ATP1A4: variants seen among roughly 807,000 people sequenced by gnomAD.
ATP1A4 encodes sodium/potassium-transporting ATPase subunit alpha-4.
A neutral mutation model predicts 114.3 loss-of-function variants in ATP1A4; 90 were observed. The observed-to-expected ratio is 0.79, with a 90% CI of 0.66 to 0.94. The LOEUF is 0.94. ATP1A4 is among the 40% of genes least tolerant of loss of function. The probability of loss-of-function intolerance (pLI) is 0.00; values close to 1 mark genes in which losing one functional copy is unlikely to be tolerated. For missense variants in ATP1A4, 1,222 were observed against 1,313.6 expected, an observed-to-expected ratio of 0.93 and a Z score of 1.08; for synonymous variants, 511 against 494.1, an observed-to-expected ratio of 1.03 and a Z score of -0.45.
At chr1:160,159,201 G>C in intron 5 of ATP1A4, 65 bp downstream of exon 5, 1 of 1,567,062 alleles carries the variant, frequency 6.4e-7, no homozygotes, top group Non-Finnish European at 8.7e-7. Context: ...TAGACACCTG[G>C]GCCGTTAGAG....
At chr1:160,161,635 C>T (rs549519979) in intron 6 of ATP1A4, among the ~76,000 whole-genome samples, 1 of 152,188 alleles carries the variant, frequency 6.6e-6, no homozygotes, top group East Asian at 1.9e-4. Flanking sequence ...CCCTCCTCCA[C>T]CCGGCCCAAA....
At chr1:160,163,358 A>G (rs1652922167) in intron 6 of ATP1A4, among the ~76,000 whole-genome samples, 1 of 152,138 alleles carries the variant, frequency 6.6e-6, no homozygotes, top group Non-Finnish European at 1.5e-5. Context: ...TCAGCCCCAC[A>G]AGACAGTCCC....
At chr1:160,168,691 A>G (rs1653131100) in intron 10 of ATP1A4, among the ~76,000 whole-genome samples, 1 of 152,144 alleles carries the variant, frequency 6.6e-6, no homozygotes, top group South Asian at 2.1e-4. Context: ...GCCTCTATAT[A>G]AATTTTTTTT....
intron 3 of ATP1A4, among the ~76,000 whole-genome samples, chr1:160,155,518 A>ATAATGTAATAAATGTACAT (rs1371124455): frequency 6.6e-6 from 1 of 152,152 alleles, no homozygotes; most frequent in East Asian, 1.9e-4. Context: ...ACATTACATA[A>ATAATGTAATAAATGTACAT]TAATGTAATA....
intron 4 of ATP1A4, among the ~76,000 whole-genome samples, chr1:160,157,675 G>A (rs1362144823): frequency 6.6e-6 from 1 of 152,176 alleles, no homozygotes; most frequent in Non-Finnish European, 1.5e-5. Flanking sequence ...AAAAGATCAT[G>A]ATGTAGGTAA....
Position 160,176,520 on chromosome 1 carries a change from C to T in ATP1A4, c.2508C>T (p.Asp836=), listed in dbSNP as rs1409677272. 1.2e-6 allele frequency: 2 copies of T among 1,614,172 alleles called. No homozygotes were observed. The highest frequency in any genetic ancestry group is 1.7e-6 in the Non-Finnish European group (2 of 1,180,034). The change falls in exon 17 of 22, where the codon GAC becomes GAT. Residue 836 remains aspartate, a synonymous_variant. Coordinates refer to ENST00000368081, the MANE Select transcript of ATP1A4 (RefSeq NM_144699.4). ...TGGCTTATGAGTCAGCTGAAAGCGACATCATGAAGAGGCTTCCAAGGAACC... is the reference window on the plus strand; with the variant it reads ...TGGCTTATGAGTCAGCTGAAAGCGATATCATGAAGAGGCTTCCAAGGAACC... The part of the protein sequence containing the change: ...ISLAYESAES[D]IMKRLPRNPK...
rs147697970 is a variant in ATP1A4, at chr1:160,171,371, A to G, written c.1612A>G (p.Asn538Asp). Residue 538 changes from asparagine to aspartate, a missense_variant, in exon 11 of 22, where the codon AAC becomes GAC. Transcript: ENST00000368081. ...TCTGAATGGGCAGGAGTACTCAATG[A>G]ACGATGAAATGAAGGAAGCCTTCCA... ...FLLNGQEYSM[N>D]DEMKEAFQNA... 4.9e-3 allele frequency: 7,927 copies of G among 1,614,148 alleles called. 25 individuals are homozygous for G. Among genetic ancestry groups the G allele is most frequent in the Non-Finnish European group, 6.0e-3 (7,110 of 1,180,010 alleles).
In ATP1A4 at chr1:160,175,973, C is replaced by T. The variant is rs1653447985; in HGVS notation, c.2312-119C>T. The T allele has an allele frequency of 2.9e-6, 3 of 1,022,546 alleles. No individual in the cohort carries two copies. The Admixed American group carries it at 5.8e-5, about 20-fold the overall frequency. The allele number at this position is 1,022,546 out of a possible 1,614,324, so 63.3% of individuals were successfully genotyped here. ...ATACTGGGACCCTGGAGGTCTAGGACCTCCAGACCCTTTCCTGGACTGTGA... is the reference window on the plus strand; with the variant it reads ...ATACTGGGACCCTGGAGGTCTAGGATCTCCAGACCCTTTCCTGGACTGTGA... On this transcript the variant is annotated intron_variant, in intron 15 of 21. Coordinates refer to ENST00000368081, the MANE Select transcript of ATP1A4 (RefSeq NM_144699.4).
chr1:160,186,529 C>T, intron 21 of ATP1A4, 142 bp from the exon 22 acceptor site: 2 of 1,091,084 alleles, frequency 1.8e-6, no homozygotes, highest in Non-Finnish European at 2.7e-6. Flanking sequence ...CTTGGCTGCA[C>T]CCCTCTGCTC....
In ATP1A4 at chr1:160,167,285, C is replaced by T. The variant is rs773750958; in HGVS notation, c.1364C>T (p.Thr455Ile). The stretch of plus-strand genomic sequence containing the variant: ...CAAACCCCATCCTGGCAGAGGGCCA[C>T]AACAGGTGATGCTTCCGAGTCAGCC... Reference protein sequence around the residue: ...QEILPIAKRATTGDASESALL... With the variant: ...QEILPIAKRAITGDASESALL... The change falls in exon 10 of 22, where the codon ACA (threonine) becomes ATA (isoleucine). Residue 455 changes from threonine (T) to isoleucine (I), a missense_variant. By Grantham distance (89) the Thr-to-Ile change is moderately conservative. Coordinates refer to ENST00000368081, the MANE Select transcript of ATP1A4 (RefSeq NM_144699.4). 6 of 1,605,798 alleles carry T rather than the reference C, an allele frequency of 3.7e-6. No homozygotes were observed. The highest frequency in any genetic ancestry group is 5.1e-6 in the Non-Finnish European group (6 of 1,176,944).
In ATP1A4 at chr1:160,166,562, G is replaced by A. The variant is rs367924298; in HGVS notation, c.1082G>A (p.Arg361Gln). ...CLTLTAKRMA[R>Q]KNCLVKNLEA... ...ACCCTCACAGCCAAGCGCATGGCGC[G>A]GAAGAACTGCCTGGTGAAGAACCTG... is the stretch of plus-strand genomic sequence containing the variant. The change falls in exon 8 of 22, where the codon CGG becomes CAG. Residue 361 changes from arginine (R) to glutamine (Q), a missense_variant. Transcript: ENST00000368081. 483 of 1,614,044 alleles carry A rather than the reference G, an allele frequency of 3.0e-4. No homozygotes were observed. Among genetic ancestry groups the A allele is most frequent in the Admixed American group, 6.3e-4 (38 of 60,008 alleles).
chr1:160,166,963 C>T lies in ATP1A4; in HGVS notation c.1247-5C>T, dbSNP rs746150878. The T allele has an allele frequency of 8.1e-6, 13 of 1,613,484 alleles. No homozygotes were observed. In the East Asian group the frequency reaches 2.9e-4, roughly 36 times the overall value. Reference sequence around the variant, plus strand: ...GCTCACAATTCTTCTTTTCTTTCTCCCTAGGAAAAACATTTACCAAGAGCT... The same window carrying T: ...GCTCACAATTCTTCTTTTCTTTCTCTCTAGGAAAAACATTTACCAAGAGCT... On this transcript the variant is annotated splice_polypyrimidine_tract_variant and splice_region_variant and intron_variant, in intron 8 of 21. Transcript: ENST00000368081.
chr1:160,169,193 G>A (rs980844402), intron 10 of ATP1A4, among the ~76,000 whole-genome samples: 1 of 152,230 alleles, frequency 6.6e-6, no homozygotes, highest in Non-Finnish European at 1.5e-5. Context: ...TGCCCTAAAG[G>A]TGGAGACTCC....
At chr1:160,174,033 T>C (rs553798359) in intron 13 of ATP1A4, 78 bp from the exon 14 acceptor site, 1 of 1,520,768 alleles carries the variant, frequency 6.6e-7, no homozygotes, top group East Asian at 2.3e-5. Context: ...GCAATGAAGC[T>C]ATAGTCAAGA....
intron 18 of ATP1A4, among the ~76,000 whole-genome samples, chr1:160,181,454 C>T (rs1653698230): frequency 6.6e-6 from 1 of 151,636 alleles, no homozygotes; most frequent in Admixed American, 6.6e-5. Flanking sequence ...ACTCGGGAGG[C>T]TGAGGCAGGA....
At chr1:160,160,805 A>G (rs530124532) in intron 6 of ATP1A4, among the ~76,000 whole-genome samples, 27 of 152,312 alleles carry the variant, frequency 1.8e-4, no homozygotes, top group Admixed American at 5.2e-4. Context: ...CGTAATGTTA[A>G]GACAGAATAG....
At chr1:160,159,330 T>C (rs922915403) in intron 5 of ATP1A4, 79 bp from the exon 6 acceptor site, 5 of 1,396,574 alleles carry the variant, frequency 3.6e-6, no homozygotes, top group Non-Finnish European at 4.9e-6. Context: ...GGTGACCAGA[T>C]GAAGACATAC....
intron 20 of ATP1A4, among the ~76,000 whole-genome samples, chr1:160,184,660 A>T (rs1653820178): frequency 6.6e-6 from 1 of 152,222 alleles, no homozygotes; most frequent in Non-Finnish European, 1.5e-5. Context: ...TATTATTAAA[A>T]TTAATTTCAT....
At position 160,167,379 on chromosome 1, in the gene ATP1A4, A is replaced by T. The variant is rs1315363389; in HGVS notation, c.1458A>T (p.Ala486=). 1.9e-6 allele frequency: 3 copies of T among 1,612,288 alleles called. No individual in the cohort carries two copies. The East Asian group carries it at 6.7e-5, about 36-fold the overall frequency. Residue 486 remains alanine, a synonymous_variant, in exon 10 of 22, where the codon GCA becomes GCT. Coordinates refer to ENST00000368081, the MANE Select transcript of ATP1A4 (RefSeq NM_144699.4). Reference sequence around the variant, plus strand: ...TGAGAGAGAAAAACCCCAAGGTGGCAGAGATTCCCTTTAATTCTACCAACA... The same window carrying T: ...TGAGAGAGAAAAACCCCAAGGTGGCTGAGATTCCCTTTAATTCTACCAACA... ...AEMREKNPKV[A]EIPFNSTNKY...
Sources: gnomAD v4.1 joint callset for allele counts (sites outside exome capture counted in the v4.1 genomes callset) on GRCh38, gnomAD v4.1.1 for gene constraint, MANE v1.5 for transcripts, NCBI Gene and HGNC (gene_info 2026-07-23, HGNC 2026-07-21) for gene names.